Variants in CGNL1 observed in about 807,000 individuals in gnomAD.
The protein encoded by CGNL1 is cingulin-like protein 1.
In CGNL1, 132 loss-of-function variants were observed where a neutral mutation model predicts 141.2. The ratio of observed to expected loss-of-function variants is 0.93; its 90% confidence interval spans 0.81 to 1.08. The LOEUF (loss-of-function observed/expected upper bound fraction) is 1.08, where lower values mean the gene tolerates loss of function less well. CGNL1 is among the 50% of genes least tolerant of loss of function. The probability of loss-of-function intolerance (pLI) is 0.00; values close to 1 mark genes in which losing one functional copy is unlikely to be tolerated. For synonymous variants in CGNL1, 690 were observed against 622.1 expected, an observed-to-expected ratio of 1.11 and a Z score of -1.63; for missense variants, 1,870 against 1,588.6, an observed-to-expected ratio of 1.18 and a Z score of -3.01.
chr15:57,431,165 A>T (rs1176931538), intron 1 of CGNL1, among the ~76,000 whole-genome samples: 1 of 152,092 alleles, frequency 6.6e-6, no homozygotes, highest in Admixed American at 6.5e-5. Context: ...CAATGTTATA[A>T]GTTTATTTTT....
chr15:57,446,122 G>T (rs1480687595), intron 4 of CGNL1, among the ~76,000 whole-genome samples: 5 of 152,172 alleles, frequency 3.3e-5, no homozygotes, highest in Non-Finnish European at 7.4e-5. Context: ...TATGTATAAA[G>T]GGTCTTGGGA....
intron 8 of CGNL1, among the ~76,000 whole-genome samples, chr15:57,490,538 A>G (rs2063845401): frequency 6.6e-6 from 1 of 152,216 alleles, no homozygotes; most frequent in Non-Finnish European, 1.5e-5. Context: ...CCCAAAATAA[A>G]ATAAATGCTC....
At chr15:57,512,930 C>T (rs554361258) in intron 8 of CGNL1, among the ~76,000 whole-genome samples, 11 of 150,722 alleles carry the variant, frequency 7.3e-5, no homozygotes, top group African/African-American at 2.7e-4. Context: ...CCCCAGGTTT[C>T]CTGTAACTTT....
At chr15:57,453,531 G>T in intron 6 of CGNL1, 152 bp from the exon 7 acceptor site, 2 of 895,018 alleles carry the variant, frequency 2.2e-6, no homozygotes, top group Admixed American at 2.9e-5. Flanking sequence ...ACCTTTTCAG[G>T]TTGGTGATCC....
chr15:57,530,265 C>T (rs2031875593), intron 13 of CGNL1, among the ~76,000 whole-genome samples: 1 of 152,206 alleles, frequency 6.6e-6, no homozygotes, highest in African/African-American at 2.4e-5. Context: ...GAGATCGTTT[C>T]CTTTGGCCGA....
intron 4 of CGNL1, among the ~76,000 whole-genome samples, chr15:57,451,268 T>C (rs761263083): frequency 6.6e-6 from 1 of 152,192 alleles, no homozygotes; most frequent in African/African-American, 2.4e-5. Context: ...ATACCTGTGA[T>C]TGGTAAATGC....
At chr15:57,485,531 C>A (rs545214863) in intron 8 of CGNL1, among the ~76,000 whole-genome samples, 1 of 152,190 alleles carries the variant, frequency 6.6e-6, no homozygotes, top group South Asian at 2.1e-4. Context: ...TGGTGGTTTA[C>A]AAATCTAATT....
At chr15:57,404,562 G>T (rs2062694496) in intron 1 of CGNL1, among the ~76,000 whole-genome samples, 1 of 152,128 alleles carries the variant, frequency 6.6e-6, no homozygotes, top group South Asian at 2.1e-4. Context: ...TTTAGTAGTG[G>T]CTTCGTTTAG....
In CGNL1 at chr15:57,378,005, A is replaced by G. The variant is rs575204909; in HGVS notation, c.-16+1438A>G. Among the ~76,000 whole-genome samples the G allele has an allele frequency of 1.3e-4, 20 of 152,332 alleles. No homozygotes were observed. The East Asian group carries it at 3.5e-3, about 26-fold the overall frequency. ...TTGATATTTGTGTTAACATAAGTCC[A>G]TTTTTGTAGATTAAACTTATTCTGG... On this transcript the variant is annotated intron_variant, in intron 1 of 18. Coordinates refer to ENST00000281282, the MANE Select transcript of CGNL1 (RefSeq NM_032866.5).
intron 1 of CGNL1, among the ~76,000 whole-genome samples, chr15:57,423,794 G>A (rs968446558): frequency 1.3e-5 from 2 of 152,292 alleles, no homozygotes; most frequent in East Asian, 1.9e-4. Flanking sequence ...TGGCCTGCTA[G>A]AGCATAGATC....
chr15:57,386,351 C>T (rs1171329560), intron 1 of CGNL1, among the ~76,000 whole-genome samples: 1 of 152,154 alleles, frequency 6.6e-6, no homozygotes, highest in Non-Finnish European at 1.5e-5. Flanking sequence ...TGACTCTGCA[C>T]GTGTGAAACT....
At chr15:57,448,232 C>T (rs2063280737) in intron 4 of CGNL1, among the ~76,000 whole-genome samples, 1 of 151,774 alleles carries the variant, frequency 6.6e-6, no homozygotes, top group African/African-American at 2.4e-5. Flanking sequence ...ATCACTTGAG[C>T]TTAGAAGTTT....
chr15:57,399,011 CAA>C (rs1432607709), intron 1 of CGNL1, among the ~76,000 whole-genome samples: 2 of 152,066 alleles, frequency 1.3e-5, no homozygotes, highest in African/African-American at 2.4e-5. Context: ...TATGAGAAAA[CAA>C]AGTGATATTT....
At chr15:57,424,907 A>AT (rs1171028820) in intron 1 of CGNL1, among the ~76,000 whole-genome samples, 1 of 152,214 alleles carries the variant, frequency 6.6e-6, no homozygotes, top group African/African-American at 2.4e-5. Flanking sequence ...CTACATATTA[A>AT]TGTTGTGAAT....
rs79308929 is a variant in CGNL1 at position 57,484,127 on chromosome 15, C to T, written c.2403+22235C>T. 8.9e-3 allele frequency among the ~76,000 whole-genome samples: 1,353 copies of T among 152,180 alleles called. 22 individuals carry two copies. The highest frequency in any genetic ancestry group is 0.031 in the African/African-American group (1,286 of 41,514). ...AATAATACTGACATCATTAAATGAG[C>T]TGAGAAGGATTTCTTCCTCTTCTAT... On this transcript the variant is annotated intron_variant, in intron 8 of 18. Coordinates refer to ENST00000281282, the MANE Select transcript of CGNL1 (RefSeq NM_032866.5).
At chr15:57,521,498 T>C (rs749921760) in intron 10 of CGNL1, among the ~76,000 whole-genome samples, 5 of 152,160 alleles carry the variant, frequency 3.3e-5, no homozygotes, top group African/African-American at 4.8e-5. Context: ...ATATGCCTAA[T>C]AGTGAACATA....
intron 7 of CGNL1, among the ~76,000 whole-genome samples, chr15:57,455,280 G>A (rs1291719725): frequency 2.0e-5 from 3 of 152,070 alleles, no homozygotes; most frequent in Admixed American, 1.3e-4. Context: ...CAGAAATGAT[G>A]TCAATGAACA....
chr15:57,488,875 G>A (rs1267265397), intron 8 of CGNL1, among the ~76,000 whole-genome samples: 1 of 152,132 alleles, frequency 6.6e-6, no homozygotes, highest in Non-Finnish European at 1.5e-5. Context: ...AGTATTTTAA[G>A]AGTGGTTTTT....
Position 57,546,158 on chromosome 15 carries a change from A to C in CGNL1, c.3692A>C (p.Lys1231Thr), listed in dbSNP as rs1326468919. The change falls in exon 18 of 19, where the codon AAG (lysine) becomes ACG (threonine). Residue 1231 changes from lysine to threonine, a missense_variant. Coordinates refer to ENST00000281282, the MANE Select transcript of CGNL1 (RefSeq NM_032866.5). ...GACAGACTGGAAAGTTCTAAAAAGA[A>C]GCTGCAGAGGGAGCTGGAGGAGCAG... ...EIDRLESSKK[K>T]LQRELEEQMD... 1 of 1,613,474 alleles carries C rather than the reference A, an allele frequency of 6.2e-7. No homozygotes were observed. Among genetic ancestry groups the C allele is most frequent in the Non-Finnish European group, 8.5e-7 (1 of 1,179,760 alleles).
Sources: gnomAD v4.1 joint callset for allele counts (sites outside exome capture counted in the v4.1 genomes callset) on GRCh38, gnomAD v4.1.1 for gene constraint, MANE v1.5 for transcripts, NCBI Gene and HGNC (gene_info 2026-07-23, HGNC 2026-07-21) for gene names.